RAP1A: variants seen among roughly 807,000 people sequenced by gnomAD.
RAP1A encodes RAP1A, member of RAS oncogene family, also known as ras-related protein Rap-1A.
RAP1A carries 6 observed loss-of-function variants against 26.4 expected under a neutral mutation model. That is an observed-to-expected ratio of 0.23 (90% confidence interval 0.12 to 0.45). RAP1A has a LOEUF of 0.45. Among genes scored for constraint, RAP1A ranks in the 20% least tolerant of loss-of-function variants. The pLI, the probability that RAP1A is intolerant of heterozygous loss-of-function variation, is 0.99. For missense variants in RAP1A, 121 were observed against 217.2 expected, an observed-to-expected ratio of 0.56 and a Z score of 2.78; for synonymous variants, 73 against 79.4, an observed-to-expected ratio of 0.92 and a Z score of 0.43.
chr1:111,696,684 T>A (rs1204294028), intron 3 of RAP1A, among the ~76,000 whole-genome samples: 1 of 152,218 alleles, frequency 6.6e-6, no homozygotes, highest in African/African-American at 2.4e-5. Flanking sequence ...GCAAGATCTG[T>A]ACCTAAAATT....
chr1:111,592,205 C>T (rs1480616250), intron 1 of RAP1A, among the ~76,000 whole-genome samples: 1 of 152,232 alleles, frequency 6.6e-6, no homozygotes, highest in Non-Finnish European at 1.5e-5. Context: ...ACAAGGCAGG[C>T]TTATAATGCG....
At chr1:111,577,364 T>C (rs978293631) in intron 1 of RAP1A, among the ~76,000 whole-genome samples, 32 of 116,952 alleles carry the variant, frequency 2.7e-4, no homozygotes, top group African/African-American at 1.0e-3. Flanking sequence ...ATCGCACCAC[T>C]GCACTCCAAC....
intron 7 of RAP1A, among the ~76,000 whole-genome samples, chr1:111,709,967 G>A (rs1662326212): frequency 6.6e-6 from 1 of 152,120 alleles, no homozygotes; most frequent in Non-Finnish European, 1.5e-5. Flanking sequence ...ATGTCTTTGT[G>A]CACATGTACA....
At chr1:111,710,707 G>A (rs776976346) in intron 7 of RAP1A, among the ~76,000 whole-genome samples, 3 of 152,180 alleles carry the variant, frequency 2.0e-5, no homozygotes, top group African/African-American at 7.2e-5. Flanking sequence ...TTAAATGAAG[G>A]TACATAGAGG....
intron 1 of RAP1A, among the ~76,000 whole-genome samples, chr1:111,687,611 A>G (rs1661525720): frequency 6.6e-6 from 1 of 152,210 alleles, no homozygotes; most frequent in African/African-American, 2.4e-5. Flanking sequence ...TACTTCATAT[A>G]TAATCTAAGG....
At chr1:111,619,777 GGAGGAGGCGCCGCCGCCGCTCCC>G (rs1349809207) in exon 1 of RAP1A, 5 of 397,596 alleles carry the variant, frequency 1.3e-5, no homozygotes, top group East Asian at 1.8e-4. Context: ...TGCGCGTTCT[GGAGGAGGCGCCGCCGCCGCTCCC>G]GAGGCCCCTG....
intron 1 of RAP1A, among the ~76,000 whole-genome samples, chr1:111,584,819 A>T (rs746209205): frequency 2.1e-4 from 32 of 152,202 alleles, no homozygotes; most frequent in Non-Finnish European, 3.4e-4. Context: ...TAAGGAAAAA[A>T]ATAAACCCAC....
At chr1:111,704,215 G>T in intron 5 of RAP1A, 128 bp from the exon 6 acceptor site, 1 of 823,908 alleles carries the variant, frequency 1.2e-6, no homozygotes, top group Non-Finnish European at 1.7e-6. Context: ...CTTTTCGTTA[G>T]TATTTGATGA....
At chr1:111,582,210 G>A (rs1658270629) in intron 1 of RAP1A, among the ~76,000 whole-genome samples, 1 of 152,172 alleles carries the variant, frequency 6.6e-6, no homozygotes, top group Non-Finnish European at 1.5e-5. Context: ...AAGGCCCTGA[G>A]GTATGAAACA....
At chr1:111,622,553 C>A (rs909200248) in intron 1 of RAP1A, among the ~76,000 whole-genome samples, 1 of 152,196 alleles carries the variant, frequency 6.6e-6, no homozygotes, top group African/African-American at 2.4e-5. Context: ...TTTCTATCCT[C>A]TCACCCTACC....
intron 1 of RAP1A, among the ~76,000 whole-genome samples, chr1:111,606,122 A>G (rs1020668993): frequency 2.6e-5 from 4 of 152,220 alleles, no homozygotes; most frequent in African/African-American, 9.6e-5. Flanking sequence ...CAAGGCTGGC[A>G]TGGAAGGAGA....
At chr1:111,583,718 A>C (rs1658307859) in intron 1 of RAP1A, among the ~76,000 whole-genome samples, 1 of 152,118 alleles carries the variant, frequency 6.6e-6, no homozygotes, top group South Asian at 2.1e-4. Context: ...TTACAATCAC[A>C]AGAGAATGGG....
intron 1 of RAP1A, among the ~76,000 whole-genome samples, chr1:111,562,917 T>C (rs764116773): frequency 4.6e-5 from 7 of 152,242 alleles, no homozygotes; most frequent in Non-Finnish European, 1.0e-4. Context: ...GCCAAAAAGA[T>C]ACATTGATTA....
At chr1:111,655,290 A>T (rs1660416078) in intron 1 of RAP1A, among the ~76,000 whole-genome samples, 1 of 151,882 alleles carries the variant, frequency 6.6e-6, no homozygotes. Context: ...ACAGAAATTA[A>T]CTTGAGCGTG....
At chr1:111,672,741 C>G (rs1661013777) in intron 1 of RAP1A, among the ~76,000 whole-genome samples, 1 of 152,182 alleles carries the variant, frequency 6.6e-6, no homozygotes, top group Non-Finnish European at 1.5e-5. Context: ...CTAACCCTGC[C>G]TGTATTCAAG....
At chr1:111,628,000 C>A (rs1659452295) in intron 1 of RAP1A, among the ~76,000 whole-genome samples, 1 of 151,246 alleles carries the variant, frequency 6.6e-6, no homozygotes, top group East Asian at 1.9e-4. Flanking sequence ...GGGTTTGTGT[C>A]CTTGCTTTGC....
In RAP1A at chr1:111,704,504, G is replaced by A. The variant is rs976394839; in HGVS notation, c.468+18G>A. 5 of 1,587,828 alleles carry A rather than the reference G, an allele frequency of 3.1e-6. No individual in the cohort carries two copies. Among genetic ancestry groups the A allele is most frequent in the Non-Finnish European group, 4.3e-6 (5 of 1,165,640 alleles). On this transcript the variant is annotated intron_variant, in intron 6 of 7. Transcript: ENST00000369709. ...TTAATGAGGTAACCTACAACTGCTG[G>A]GCAGCACAAACAAGTGCCTTTTTAG...
At chr1:111,653,671 G>A (rs1203015234) in intron 1 of RAP1A, among the ~76,000 whole-genome samples, 1 of 98,602 alleles carries the variant, frequency 1.0e-5, no homozygotes, top group Non-Finnish European at 1.8e-5. Context: ...CTACAAGAGC[G>A]AAACTCTGTC....
At chr1:111,650,672 C>T (rs1571528591) in intron 1 of RAP1A, 1 of 152,152 alleles carries the variant, frequency 6.6e-6, no homozygotes. Flanking sequence ...TATGTTACAG[C>T]TGATGAATGT....
Sources: gnomAD v4.1 joint callset for allele counts (sites outside exome capture counted in the v4.1 genomes callset) on GRCh38, gnomAD v4.1.1 for gene constraint, MANE v1.5 for transcripts, NCBI Gene and HGNC (gene_info 2026-07-23, HGNC 2026-07-21) for gene names.